The following PKNOX2 variants were observed in gnomAD, a reference collection of about 807,000 sequenced individuals.
PKNOX2 encodes the protein PBX/knotted 1 homeobox 2.
A neutral mutation model predicts 53.1 loss-of-function variants in PKNOX2; 14 were observed. The ratio of observed to expected loss-of-function variants is 0.26; its 90% CI spans 0.17 to 0.41. The LOEUF (loss-of-function observed/expected upper bound fraction) is 0.41. Among genes scored for constraint, PKNOX2 ranks in the 10% least tolerant of loss-of-function variants. PKNOX2 has a pLI of 1.00. For missense variants in PKNOX2, 496 were observed against 602.8 expected (o/e 0.82, Z 1.85); for synonymous variants, 257 against 242.8 (o/e 1.06, Z -0.54).
intron 1 of PKNOX2, among the ~76,000 whole-genome samples, chr11:125,189,443 GTGTGTA>G (rs1432277156): frequency 5.8e-4 from 33 of 56,646 alleles, no homozygotes; most frequent in African/African-American, 6.9e-4. Flanking sequence ...GTGTGTGTGT[GTGTGTA>G]TATATATATA....
chr11:125,381,159 G>A (rs1211155311), intron 5 of PKNOX2, among the ~76,000 whole-genome samples: 1 of 152,192 alleles, frequency 6.6e-6, no homozygotes, highest in African/African-American at 2.4e-5. Context: ...TGGAGCATGG[G>A]AGCCACAGGC....
At chr11:125,173,800 G>A (rs572055141) in intron 1 of PKNOX2, among the ~76,000 whole-genome samples, 3 of 152,276 alleles carry the variant, frequency 2.0e-5, no homozygotes, top group East Asian at 1.9e-4. Flanking sequence ...TCCCTCGGGG[G>A]CTCGTGCCCG....
chr11:125,346,908 A>C (rs1049016825), intron 3 of PKNOX2, among the ~76,000 whole-genome samples: 1 of 151,476 alleles, frequency 6.6e-6, no homozygotes, highest in Non-Finnish European at 1.5e-5. Context: ...CTCTCTCTGA[A>C]CTCCAGCACT....
chr11:125,326,591 C>A (rs1949832640), intron 2 of PKNOX2, among the ~76,000 whole-genome samples: 1 of 152,218 alleles, frequency 6.6e-6, no homozygotes, highest in African/African-American at 2.4e-5. Flanking sequence ...TTCCAAAGAG[C>A]CCCTCTCTTT....
chr11:125,234,662 A>T lies in PKNOX2; in HGVS notation c.-200-383A>T, dbSNP rs147829135. Among the ~76,000 whole-genome samples, 594 of 152,268 alleles carry T rather than the reference A, an allele frequency of 3.9e-3. 3 individuals carry two copies. Among genetic ancestry groups the T allele is most frequent in the African/African-American group, 0.013 (557 of 41,558 alleles). On this transcript the variant is annotated intron_variant, in intron 1 of 12. Coordinates refer to ENST00000298282, the MANE Select transcript of PKNOX2 (RefSeq NM_001382323.2). ...GGACCCTTCTGCTCTGTTCCCCTGCATGGGGTCTTCCAATAGGTAGGAGGC... is the reference window on the plus strand; with the variant it reads ...GGACCCTTCTGCTCTGTTCCCCTGCTTGGGGTCTTCCAATAGGTAGGAGGC...
intron 2 of PKNOX2, among the ~76,000 whole-genome samples, chr11:125,257,585 C>T (rs1461517989): frequency 6.6e-6 from 1 of 152,240 alleles, no homozygotes; most frequent in Non-Finnish European, 1.5e-5. Context: ...TTAGTAACTT[C>T]TCTCAGCCTC....
chr11:125,397,851 T>C, intron 6 of PKNOX2, 23 bp from the exon 7 acceptor site: 1 of 1,591,684 alleles, frequency 6.3e-7, no homozygotes, highest in Non-Finnish European at 8.6e-7. Flanking sequence ...ACACCTGGGC[T>C]CACCTCTCCT....
At chr11:125,224,260 A>C (rs891108785) in intron 1 of PKNOX2, among the ~76,000 whole-genome samples, 6 of 152,212 alleles carry the variant, frequency 3.9e-5, no homozygotes, top group African/African-American at 1.4e-4. Flanking sequence ...TGCCACCCAC[A>C]AGCTCTGTGG....
chr11:125,178,673 A>G (rs146988072), intron 1 of PKNOX2, among the ~76,000 whole-genome samples: 2,393 of 51,912 alleles, frequency 0.046, 71 homozygotes, highest in African/African-American at 0.066. Context: ...AAGGAAGGAA[A>G]GAAAGAGAGA....
At chr11:125,335,936 C>T (rs1455349159) in intron 3 of PKNOX2, among the ~76,000 whole-genome samples, 1 of 152,162 alleles carries the variant, frequency 6.6e-6, no homozygotes, top group Non-Finnish European at 1.5e-5. Flanking sequence ...CAGAAAGCTC[C>T]TTGAAGGTAG....
chr11:125,230,582 A>G (rs2114207), intron 1 of PKNOX2, among the ~76,000 whole-genome samples: 39,063 of 152,094 alleles, frequency 0.26, 5,576 homozygotes, highest in East Asian at 0.51. Flanking sequence ...AGAGGACAGG[A>G]GCATCCAGAG....
chr11:125,230,920 T>C (rs1942153977), intron 1 of PKNOX2, among the ~76,000 whole-genome samples: 1 of 152,176 alleles, frequency 6.6e-6, no homozygotes, highest in Admixed American at 6.5e-5. Flanking sequence ...CTGAAACTGT[T>C]TGACTCCAGC....
chr11:125,265,164 G>A (rs1300292215), intron 2 of PKNOX2, among the ~76,000 whole-genome samples: 3 of 152,024 alleles, frequency 2.0e-5, no homozygotes, highest in Non-Finnish European at 2.9e-5. Flanking sequence ...GTGGGCGCCT[G>A]TAGTCCCAGC....
chr11:125,349,307 A>G (rs926101820), intron 3 of PKNOX2, among the ~76,000 whole-genome samples: 1 of 151,030 alleles, frequency 6.6e-6, no homozygotes, highest in African/African-American at 2.4e-5. Context: ...CCACCCAGAC[A>G]AAGATCCAGC....
chr11:125,207,989 G>A (rs1015279459), intron 1 of PKNOX2, among the ~76,000 whole-genome samples: 2 of 152,092 alleles, frequency 1.3e-5, no homozygotes, highest in African/African-American at 4.8e-5. Context: ...ATTCTGTAAT[G>A]AATGTGTCTA....
rs571635459 is a variant in PKNOX2 at position 125,202,909 on chromosome 11, T to TA, written c.-200-32130dup. On this transcript the variant is annotated intron_variant, in intron 1 of 12. Coordinates refer to ENST00000298282, the MANE Select transcript of PKNOX2 (RefSeq NM_001382323.2). ...CCAGCTGCCAGGTATTTTTAGAGTT[T>TA]AAAAAACCTTTCATTATGAGGTAAA... 8.1e-4 allele frequency among the ~76,000 whole-genome samples: 124 copies of TA among 152,356 alleles called. 1 individual carries two copies. Among genetic ancestry groups the TA allele is most frequent in the African/African-American group, 2.9e-3 (121 of 41,582 alleles).
chr11:125,175,251 AGAAG>A (rs1474493178), intron 1 of PKNOX2, among the ~76,000 whole-genome samples: 1 of 58,708 alleles, frequency 1.7e-5, no homozygotes, highest in East Asian at 3.0e-4. Context: ...AAGGAAGGAA[AGAAG>A]GAAGGAAGGA....
At chr11:125,178,978 C>T (rs1318868198) in intron 1 of PKNOX2, among the ~76,000 whole-genome samples, 2 of 151,698 alleles carry the variant, frequency 1.3e-5, no homozygotes, top group South Asian at 2.1e-4. Flanking sequence ...GGTGTGGTGT[C>T]GGGCTCGGAT....
chr11:125,317,865 C>T (rs1949296418), intron 2 of PKNOX2, among the ~76,000 whole-genome samples: 2 of 152,186 alleles, frequency 1.3e-5, no homozygotes, highest in South Asian at 2.1e-4. Flanking sequence ...ACATTGACTT[C>T]TCCTTTCTAG....
Sources: allele counts gnomAD v4.1 joint callset (sites outside exome capture counted in the v4.1 genomes callset), GRCh38; gene constraint gnomAD v4.1.1; transcripts MANE v1.5; gene names NCBI Gene and HGNC (gene_info 2026-07-23, HGNC 2026-07-21).